TIMP3: variants seen among roughly 807,000 people sequenced by gnomAD.
TIMP3 encodes the protein metalloproteinase inhibitor 3.
In TIMP3, 11 loss-of-function variants were observed where a neutral mutation model predicts 30.0. That is an observed-to-expected ratio of 0.37 (90% CI 0.23 to 0.61). The LOEUF (loss-of-function observed/expected upper bound fraction) is 0.61. TIMP3 is among the 20% of genes least tolerant of loss of function. The pLI is 0.70. For missense variants in TIMP3, 181 were observed against 276.8 expected (o/e 0.65, Z 2.45); for synonymous variants, 112 against 111.3 (o/e 1.01, Z -0.04).
intron 2 of TIMP3, among the ~76,000 whole-genome samples, chr22:32,855,723 C>T (rs1044496600): frequency 6.6e-6 from 1 of 152,102 alleles, no homozygotes; most frequent in African/African-American, 2.4e-5. Context: ...GTTTAGCAAC[C>T]TCCCTACCCT....
chr22:32,850,575 TAC>T (rs2048190281), intron 2 of TIMP3, among the ~76,000 whole-genome samples: 1 of 152,124 alleles, frequency 6.6e-6, no homozygotes. Flanking sequence ...GTGAGGGAGA[TAC>T]AGTTTCCATC....
chr22:32,806,721 T>C (rs765425065), intron 1 of TIMP3, among the ~76,000 whole-genome samples: 1 of 152,240 alleles, frequency 6.6e-6, no homozygotes, highest in African/African-American at 2.4e-5. Flanking sequence ...TATGAATACA[T>C]TCTATGTCCA....
At position 32,818,572 on chromosome 22, in the gene TIMP3, CAGA is replaced by C. The variant is rs577503132; in HGVS notation, c.121+16453_121+16455del. Among the ~76,000 whole-genome samples, 10 of 152,250 alleles carry C rather than the reference CAGA, an allele frequency of 6.6e-5. 1 individual carries two copies. In the South Asian group the frequency reaches 2.1e-3, roughly 32 times the overall value. ...AGAGTATTTAAAGGAGGAAAGGAAACAGAAGGATAGGGCTGGTGGACTTAAAAG... is the reference window on the plus strand; with the variant it reads ...AGAGTATTTAAAGGAGGAAAGGAAACAGGATAGGGCTGGTGGACTTAAAAG... On this transcript the variant is annotated intron_variant, in intron 1 of 4. Coordinates refer to ENST00000266085, the MANE Select transcript of TIMP3 (RefSeq NM_000362.5).
At chr22:32,847,966 T>C (rs971349184) in intron 1 of TIMP3, among the ~76,000 whole-genome samples, 21 of 152,366 alleles carry the variant, frequency 1.4e-4, no homozygotes, top group African/African-American at 4.6e-4. Context: ...CTGCCTTTTG[T>C]TGCTGGTTCT....
intron 2 of TIMP3, among the ~76,000 whole-genome samples, chr22:32,849,867 T>C (rs1211915603): frequency 1.3e-5 from 2 of 152,102 alleles, no homozygotes; most frequent in Admixed American, 6.6e-5. Flanking sequence ...TGGGCTTTAA[T>C]CTTCCCAATT....
intron 1 of TIMP3, among the ~76,000 whole-genome samples, chr22:32,838,765 G>T (rs1163348686): frequency 6.6e-6 from 1 of 151,788 alleles, no homozygotes; most frequent in African/African-American, 2.4e-5. Context: ...CCCCGTCTTC[G>T]TTATTGTATT....
intron 1 of TIMP3, among the ~76,000 whole-genome samples, chr22:32,818,856 C>T (rs1482162551): frequency 6.6e-6 from 1 of 152,184 alleles, no homozygotes; most frequent in Non-Finnish European, 1.5e-5. Flanking sequence ...GGTAAGAATT[C>T]CCTGTCATGG....
rs549610899 is a variant in TIMP3, at chr22:32,862,781, C to T, written c.*3404C>T. 2.0e-5 allele frequency: 3 copies of T among 152,726 alleles called. No individual in the cohort carries two copies. In the South Asian group the frequency reaches 6.2e-4, roughly 32 times the overall value. 9.5% of individuals were successfully genotyped at this position (152,726 alleles called of 1,614,324 possible). On this transcript the variant is annotated 3_prime_UTR_variant, in exon 5 of 5. Transcript: ENST00000266085. ...TGGGGGTAGAGGCTTCTTAGATTCT[C>T]CCAGCATCCGCCTTTCCCTTTAGCC...
chr22:32,849,456 C>T lies in TIMP3; in HGVS notation c.126C>T (p.Ile42=), dbSNP rs1262069689. The change falls in exon 2 of 5, where the codon ATC becomes ATT. Residue 42 remains isoleucine, a synonymous_variant. Transcript: ENST00000266085. ...QDAFCNSDIV[I]RAKVVGKKLV... is the part of the protein sequence containing the mutation. Reference sequence around the variant, plus strand: ...TGTCTCCTTCTGTCTCTGCAGTGATCCGGGCCAAGGTGGTGGGGAAGAAGC... The same window carrying T: ...TGTCTCCTTCTGTCTCTGCAGTGATTCGGGCCAAGGTGGTGGGGAAGAAGC... The T allele has an allele frequency of 4.3e-6, 7 of 1,613,510 alleles. No individual in the cohort carries two copies. In the South Asian group the frequency reaches 7.7e-5, roughly 18 times the overall value.
intron 1 of TIMP3, among the ~76,000 whole-genome samples, chr22:32,808,863 G>A (rs1047582741): frequency 2.0e-5 from 3 of 152,116 alleles, no homozygotes; most frequent in East Asian, 1.9e-4. Flanking sequence ...TCATTCCTGC[G>A]CTGGGAGAAA....
chr22:32,824,445 C>T (rs903039459), intron 1 of TIMP3, among the ~76,000 whole-genome samples: 1 of 151,692 alleles, frequency 6.6e-6, no homozygotes, highest in African/African-American at 2.4e-5. Context: ...TCTTTAAACC[C>T]CGTAGTCATA....
At chr22:32,820,135 C>G (rs2047194760) in intron 1 of TIMP3, among the ~76,000 whole-genome samples, 1 of 152,084 alleles carries the variant, frequency 6.6e-6, no homozygotes, top group South Asian at 2.1e-4. Flanking sequence ...AGTCAGCCCT[C>G]TCATCCTATT....
intron 1 of TIMP3, among the ~76,000 whole-genome samples, chr22:32,816,970 C>T (rs1425074018): frequency 6.6e-6 from 1 of 152,060 alleles, no homozygotes; most frequent in Admixed American, 6.5e-5. Flanking sequence ...CATATAACCC[C>T]ACCTTGGGAG....
intron 1 of TIMP3, among the ~76,000 whole-genome samples, chr22:32,834,612 G>T (rs1311739053): frequency 6.6e-6 from 1 of 152,204 alleles, no homozygotes; most frequent in Non-Finnish European, 1.5e-5. Flanking sequence ...ATGTTTTGCA[G>T]ATACTCTGTG....
In TIMP3 at chr22:32,820,288, GGT is replaced by G. The variant is rs1442587900; in HGVS notation, c.121+18174_121+18175del. The stretch of plus-strand genomic sequence containing the variant: ...CGTGCGCGTGTGTGTGTGTGTGTGT[GGT>G]GTGTGTGGTGTGTGTTCTACTCCGT... On this transcript the variant is annotated intron_variant, in intron 1 of 4. Transcript: ENST00000266085. Among the ~76,000 whole-genome samples, 24 of 148,760 alleles carry G rather than the reference GGT, an allele frequency of 1.6e-4. No individual in the cohort carries two copies. In the East Asian group the frequency reaches 4.7e-3, roughly 29 times the overall value.
chr22:32,830,775 A>T (rs951991751), intron 1 of TIMP3, among the ~76,000 whole-genome samples: 25 of 151,980 alleles, frequency 1.6e-4, no homozygotes, highest in African/African-American at 5.8e-4. Flanking sequence ...CCGTGAGTGT[A>T]TCCGCCTCAC....
At chr22:32,840,641 C>G (rs946543075) in intron 1 of TIMP3, among the ~76,000 whole-genome samples, 3 of 152,232 alleles carry the variant, frequency 2.0e-5, no homozygotes, top group Admixed American at 6.5e-5. Flanking sequence ...TACCGCCGCC[C>G]CCTCCGCCCC....
At chr22:32,847,221 T>C (rs1014344584) in intron 1 of TIMP3, among the ~76,000 whole-genome samples, 2 of 152,208 alleles carry the variant, frequency 1.3e-5, no homozygotes, top group Non-Finnish European at 2.9e-5. Context: ...TGTTATAACC[T>C]GCCTGTGAGA....
At chr22:32,830,781 C>T (rs1226025201) in intron 1 of TIMP3, among the ~76,000 whole-genome samples, 1 of 152,184 alleles carries the variant, frequency 6.6e-6, no homozygotes, top group Non-Finnish European at 1.5e-5. Context: ...GTGTATCCGC[C>T]TCACGCTTCT....
Sources: allele counts gnomAD v4.1 joint callset (sites outside exome capture counted in the v4.1 genomes callset), GRCh38; gene constraint gnomAD v4.1.1; transcripts MANE v1.5; gene names NCBI Gene and HGNC (gene_info 2026-07-23, HGNC 2026-07-21).